The following LSAMP variants were observed in gnomAD, a reference collection of about 807,000 sequenced individuals.
LSAMP encodes limbic system-associated membrane protein.
LSAMP carries 7 observed loss-of-function variants against 38.6 expected under a neutral mutation model. The ratio of observed to expected loss-of-function variants is 0.18; its 90% CI spans 0.10 to 0.34. The LOEUF (loss-of-function observed/expected upper bound fraction) is 0.34. Ranked by LOEUF, LSAMP falls within the 10% of genes least tolerant of loss-of-function variation. LSAMP has a pLI of 1.00. For synonymous variants in LSAMP, 154 were observed against 166.8 expected (o/e 0.92, Z 0.59); for missense variants, 313 against 420.0 (o/e 0.75, Z 2.23).
intron 1 of LSAMP, among the ~76,000 whole-genome samples, chr3:116,176,946 T>G (rs996535041): frequency 1.8e-5 from 2 of 108,558 alleles, no homozygotes; most frequent in Non-Finnish European, 2.3e-5. Context: ...ATAGTTAATT[T>G]CACTTTTTTT....
chr3:115,862,646 G>A (rs1330798536), intron 3 of LSAMP, among the ~76,000 whole-genome samples: 2 of 152,238 alleles, frequency 1.3e-5, no homozygotes, highest in Non-Finnish European at 2.9e-5. Flanking sequence ...ATGAATTAAA[G>A]TGATGTTCTT....
chr3:116,079,710 C>A (rs1256402952), intron 2 of LSAMP, among the ~76,000 whole-genome samples: 1 of 150,606 alleles, frequency 6.6e-6, no homozygotes, highest in East Asian at 1.9e-4. Context: ...CTCAGGCAGA[C>A]CTAGGACTGG....
At chr3:116,285,226 A>G (rs925051140) in intron 1 of LSAMP, among the ~76,000 whole-genome samples, 1 of 152,130 alleles carries the variant, frequency 6.6e-6, no homozygotes, top group Non-Finnish European at 1.5e-5. Context: ...ATAATCCCAT[A>G]TCACTGTTCT....
In LSAMP at chr3:116,414,689, C is replaced by G. The variant is rs145482333; in HGVS notation, c.155+30188G>C. 8.5e-5 allele frequency among the ~76,000 whole-genome samples: 13 copies of G among 152,190 alleles called. No homozygotes were observed. In the East Asian group the frequency reaches 2.5e-3, roughly 29 times the overall value. ...GAGAAATCAAACTGTGTTTGTTGAA[C>G]ACTTTTTCTATTTGTCTCATGGAAT... On this transcript the variant is annotated intron_variant, in intron 1 of 6. Coordinates refer to ENST00000490035, the MANE Select transcript of LSAMP (RefSeq NM_002338.5).
chr3:116,154,690 A>G (rs1019893168), intron 1 of LSAMP, among the ~76,000 whole-genome samples: 2 of 151,958 alleles, frequency 1.3e-5, no homozygotes, highest in Non-Finnish European at 2.9e-5. Flanking sequence ...AGGCCTTCAC[A>G]CATATCCTTC....
chr3:116,090,060 A>AT (rs34624333), intron 1 of LSAMP, among the ~76,000 whole-genome samples: 1 of 151,694 alleles, frequency 6.6e-6, no homozygotes, highest in Non-Finnish European at 1.5e-5. Flanking sequence ...ATGAAAAAAA[A>AT]TGGTAGGACC....
intron 6 of LSAMP, among the ~76,000 whole-genome samples, chr3:115,840,080 T>G (rs888207633): frequency 6.6e-6 from 1 of 152,182 alleles, no homozygotes; most frequent in Non-Finnish European, 1.5e-5. Flanking sequence ...TCTTTCTTTT[T>G]CCTCTCTCTC....
In LSAMP at chr3:115,805,096, G is replaced by A. The variant is rs1933600840; in HGVS notation, c.*5221C>T. 6.6e-6 allele frequency: 1 copy of A among 152,194 alleles called. No individual in the cohort carries two copies. Among genetic ancestry groups the A allele is most frequent in the Admixed American group, 6.5e-5 (1 of 15,274 alleles). 9.4% of individuals were successfully genotyped at this position (152,194 alleles called of 1,614,324 possible). A position where few individuals can be genotyped will look rare whatever the true frequency, so the allele number is the denominator to read the frequency against. On this transcript the variant is annotated 3_prime_UTR_variant, in exon 7 of 7. Coordinates refer to ENST00000490035, the MANE Select transcript of LSAMP (RefSeq NM_002338.5). ...TTAAATAAGACATCTTAGATGGTGA[G>A]AAAGGAGTAAAAAGAAGATAGCTGG...
At chr3:115,991,145 GGA>G (rs1491538064) in intron 3 of LSAMP, among the ~76,000 whole-genome samples, 2 of 151,728 alleles carry the variant, frequency 1.3e-5, no homozygotes, top group Non-Finnish European at 2.9e-5. Context: ...TTACTTCCTT[GGA>G]AAAAAAGAAG....
intron 3 of LSAMP, among the ~76,000 whole-genome samples, chr3:115,889,795 C>T (rs1338519422): frequency 6.6e-6 from 1 of 151,916 alleles, no homozygotes; most frequent in Non-Finnish European, 1.5e-5. Flanking sequence ...AGGACATAGT[C>T]CTAAAAATTG....
rs139811423 is a variant in LSAMP, at chr3:116,443,214, G to A, written c.155+1663C>T. On this transcript the variant is annotated intron_variant, in intron 1 of 6. Coordinates refer to ENST00000490035, the MANE Select transcript of LSAMP (RefSeq NM_002338.5). ...AGCAATTGAAATGGCATGCTTGTGT[G>A]TTTGCAAAAACATTTTCTGCACCAT... Among the ~76,000 whole-genome samples the A allele has an allele frequency of 4.3e-4, 66 of 152,280 alleles. 1 individual carries two copies. The East Asian group carries it at 9.8e-3, about 23-fold the overall frequency.
intron 2 of LSAMP, among the ~76,000 whole-genome samples, chr3:116,050,577 G>C (rs1054227443): frequency 6.6e-6 from 1 of 151,840 alleles, no homozygotes; most frequent in Non-Finnish European, 1.5e-5. Context: ...AAAAATGGGT[G>C]CTTTAGCCTA....
chr3:116,444,856 A>G (rs765337408), intron 1 of LSAMP, 21 bp downstream of exon 1: 3 of 1,613,830 alleles, frequency 1.9e-6, no homozygotes, highest in South Asian at 2.2e-5. Flanking sequence ...GCGCAGCAGA[A>G]AAGTTGCCCG....
intron 6 of LSAMP, among the ~76,000 whole-genome samples, chr3:115,816,255 T>A (rs922755375): frequency 2.0e-5 from 3 of 152,174 alleles, no homozygotes; most frequent in African/African-American, 7.2e-5. Flanking sequence ...AGGCTCTGCA[T>A]CTTTTCTGAG....
intron 3 of LSAMP, among the ~76,000 whole-genome samples, chr3:115,998,688 T>A (rs1477749100): frequency 6.6e-6 from 1 of 152,018 alleles, no homozygotes; most frequent in Non-Finnish European, 1.5e-5. Context: ...GACACACAAG[T>A]CTAAGCTAAG....
intron 1 of LSAMP, among the ~76,000 whole-genome samples, chr3:116,241,895 C>T (rs1017372067): frequency 6.6e-6 from 1 of 152,310 alleles, no homozygotes; most frequent in East Asian, 1.9e-4. Context: ...GGGGTGTAAC[C>T]CTATGCAGAG....
chr3:116,060,269 C>T (rs569979276), intron 2 of LSAMP, among the ~76,000 whole-genome samples: 3 of 149,404 alleles, frequency 2.0e-5, no homozygotes, highest in Non-Finnish European at 4.4e-5. Context: ...CTTTATTTCT[C>T]GCAAGTCAAA....
intron 1 of LSAMP, among the ~76,000 whole-genome samples, chr3:116,411,546 T>C (rs577957836): frequency 6.9e-6 from 1 of 145,858 alleles, no homozygotes; most frequent in African/African-American, 2.5e-5. Flanking sequence ...AAACACCGCA[T>C]GTTCTCACTC....
chr3:116,148,570 T>A (rs1709540069), intron 1 of LSAMP, among the ~76,000 whole-genome samples: 2 of 152,008 alleles, frequency 1.3e-5, no homozygotes, highest in Non-Finnish European at 2.9e-5. Context: ...AAGTAGATAT[T>A]GAACCCGTAA....
Sources: allele counts gnomAD v4.1 joint callset (sites outside exome capture counted in the v4.1 genomes callset), GRCh38; gene constraint gnomAD v4.1.1; transcripts MANE v1.5; gene names NCBI Gene and HGNC (gene_info 2026-07-23, HGNC 2026-07-21).